Variants in ADHFE1 observed in about 807,000 individuals in gnomAD.
ADHFE1 encodes the protein alcohol dehydrogenase iron containing 1.
In ADHFE1, 37 loss-of-function variants were observed where a neutral mutation model predicts 54.8. The observed-to-expected ratio is 0.68, with a 90% confidence interval of 0.52 to 0.89. The LOEUF is 0.89. ADHFE1 is among the 40% of genes least tolerant of loss of function. ADHFE1 has a pLI of 0.00. For synonymous variants in ADHFE1, 203 were observed against 229.3 expected, an observed-to-expected ratio of 0.89 and a Z score of 1.04; for missense variants, 601 against 591.2, an observed-to-expected ratio of 1.02 and a Z score of -0.17.
chr8:66,442,014 G>GT (rs1805774291), intron 2 of ADHFE1, among the ~76,000 whole-genome samples: 1 of 150,938 alleles, frequency 6.6e-6, no homozygotes, highest in Admixed American at 6.6e-5. Context: ...AGATAAATAA[G>GT]CTTTTTATAT....
intron 13 of ADHFE1, among the ~76,000 whole-genome samples, chr8:66,467,614 T>A (rs923175494): frequency 6.6e-6 from 1 of 152,102 alleles, no homozygotes. Context: ...TTCCTCAGTT[T>A]CATGCAGGTG....
At chr8:66,453,559 C>G in intron 9 of ADHFE1, 2 of 517,434 alleles carry the variant, frequency 3.9e-6, no homozygotes, top group Non-Finnish European at 6.6e-6. Flanking sequence ...ACAATAACAT[C>G]CACTTCCTCA....
intron 7 of ADHFE1, among the ~76,000 whole-genome samples, chr8:66,448,001 A>C (rs765233152): frequency 6.6e-6 from 1 of 152,190 alleles, no homozygotes; most frequent in Non-Finnish European, 1.5e-5. Flanking sequence ...CACCACCCCA[A>C]TCAAGATACA....
chr8:66,442,643 A>G (rs1245071703), intron 2 of ADHFE1, among the ~76,000 whole-genome samples, 155 bp from the exon 3 acceptor site: 1 of 152,148 alleles, frequency 6.6e-6, no homozygotes, highest in East Asian at 1.9e-4. Context: ...ACAGGTATTG[A>G]TTTTAATTTG....
At chr8:66,463,070 C>T (rs780585875) in intron 13 of ADHFE1, among the ~76,000 whole-genome samples, 22 of 152,296 alleles carry the variant, frequency 1.4e-4, no homozygotes, top group Non-Finnish European at 2.9e-4. Context: ...GATCCGCCCA[C>T]CTCAGCCTCC....
intron 1 of ADHFE1, among the ~76,000 whole-genome samples, chr8:66,433,089 TC>T (rs1275781064): frequency 6.6e-6 from 1 of 152,116 alleles, no homozygotes; most frequent in East Asian, 1.9e-4. Context: ...GAGTCACACT[TC>T]CTGGCATGTA....
At chr8:66,450,221 G>A (rs994307934) in intron 8 of ADHFE1, among the ~76,000 whole-genome samples, 4 of 152,148 alleles carry the variant, frequency 2.6e-5, no homozygotes, top group African/African-American at 7.2e-5. Flanking sequence ...CTAATAACCT[G>A]GAAATGAGGG....
intron 10 of ADHFE1, among the ~76,000 whole-genome samples, chr8:66,454,600 A>AG (rs1806474686): frequency 6.6e-6 from 1 of 152,284 alleles, no homozygotes; most frequent in Non-Finnish European, 1.5e-5. Flanking sequence ...ACCATCATCA[A>AG]TTTTAGAACA....
rs923293479 is a variant in ADHFE1, at chr8:66,452,694, AG to A, written c.887+591del. Among the ~76,000 whole-genome samples, 14 of 152,326 alleles carry A rather than the reference AG, an allele frequency of 9.2e-5. No homozygotes were observed. The East Asian group carries it at 2.7e-3, about 29-fold the overall frequency. ...AGAAAAGAGTAGAGATTGCTGTCCCAGGAGATATAAAAGGCAGAAAATGTAA... is the reference window on the plus strand; with the variant it reads ...AGAAAAGAGTAGAGATTGCTGTCCCAGAGATATAAAAGGCAGAAAATGTAA... On this transcript the variant is annotated intron_variant, in intron 9 of 13. Coordinates refer to ENST00000396623, the MANE Select transcript of ADHFE1 (RefSeq NM_144650.3).
intron 13 of ADHFE1, among the ~76,000 whole-genome samples, chr8:66,467,808 G>A (rs923217340): frequency 6.6e-6 from 1 of 152,180 alleles, no homozygotes; most frequent in Non-Finnish European, 1.5e-5. Context: ...AGAAAAAAAC[G>A]GAGTCACTTG....
intron 2 of ADHFE1, among the ~76,000 whole-genome samples, chr8:66,442,455 C>T (rs769524372): frequency 4.6e-5 from 7 of 151,722 alleles, no homozygotes; most frequent in Admixed American, 6.6e-5. Flanking sequence ...GGACTACAGG[C>T]GCTCGCCACC....
intron 13 of ADHFE1, among the ~76,000 whole-genome samples, chr8:66,467,609 C>T (rs1807265320): frequency 6.6e-6 from 1 of 152,130 alleles, no homozygotes; most frequent in African/African-American, 2.4e-5. Flanking sequence ...GGACATTCCT[C>T]AGTTTCATGC....
chr8:66,458,281 C>T (rs1371912015), intron 12 of ADHFE1, among the ~76,000 whole-genome samples: 1 of 152,276 alleles, frequency 6.6e-6, no homozygotes, highest in Non-Finnish European at 1.5e-5. Flanking sequence ...GAGATTATTT[C>T]CAGGGAGGTA....
chr8:66,451,899 G>A (rs1806321125), intron 8 of ADHFE1, 54 bp from the exon 9 acceptor site: 7 of 1,589,776 alleles, frequency 4.4e-6, no homozygotes, highest in Non-Finnish European at 5.1e-6. Flanking sequence ...TCTAAATGGA[G>A]GGAAGGAGGA....
intron 2 of ADHFE1, 101 bp downstream of exon 2, chr8:66,440,300 G>C: frequency 9.2e-7 from 1 of 1,091,490 alleles, no homozygotes; most frequent in Non-Finnish European, 1.4e-6. Context: ...AGGCATGTGA[G>C]AGCAAGGTCC....
chr8:66,439,582 G>A lies in ADHFE1; in HGVS notation c.60-580G>A, dbSNP rs1805639433. 7 of 985,964 alleles carry A rather than the reference G, an allele frequency of 7.1e-6. No individual in the cohort carries two copies. Among genetic ancestry groups the A allele is most frequent in the Non-Finnish European group, 8.4e-6 (7 of 830,334 alleles). 61.1% of individuals were successfully genotyped at this position (985,964 alleles called of 1,614,324 possible). On this transcript the variant is annotated intron_variant, in intron 1 of 13. Coordinates refer to ENST00000396623, the MANE Select transcript of ADHFE1 (RefSeq NM_144650.3). This position sits in a 1 kb window ranked among gnomAD's most constrained non-coding sequence, Gnocchi z 4.4. ...GGCCTCTGGGGAGCGGCGCGGCGGG[G>A]ACGGAGGAGAGCTCGGAGCCCGGGG...
intron 13 of ADHFE1, among the ~76,000 whole-genome samples, chr8:66,462,259 G>A (rs1806939733): frequency 6.6e-6 from 1 of 152,150 alleles, no homozygotes; most frequent in Admixed American, 6.5e-5. Flanking sequence ...CGTAGACTGA[G>A]TGGTCATAGT....
At chr8:66,437,269 T>C (rs1057234959) in intron 1 of ADHFE1, among the ~76,000 whole-genome samples, 2 of 152,068 alleles carry the variant, frequency 1.3e-5, no homozygotes, top group Non-Finnish European at 2.9e-5. Flanking sequence ...TTTGATGATT[T>C]AGGGGACAGA....
intron 13 of ADHFE1, among the ~76,000 whole-genome samples, chr8:66,460,948 G>C (rs574122948): frequency 1.3e-5 from 2 of 152,318 alleles, no homozygotes; most frequent in South Asian, 4.1e-4. Context: ...ATGAATGTGG[G>C]AGATTGTATA....
Sources: allele counts gnomAD v4.1 joint callset (sites outside exome capture counted in the v4.1 genomes callset), GRCh38; gene constraint gnomAD v4.1.1; non-coding constraint Gnocchi (gnomAD v3.1); transcripts MANE v1.5; gene names NCBI Gene and HGNC (gene_info 2026-07-23, HGNC 2026-07-21).